C12orf76: variants seen among roughly 807,000 people sequenced by gnomAD.
C12orf76 encodes the protein chromosome 12 open reading frame 76.
A neutral mutation model predicts 6.8 loss-of-function variants in C12orf76; 6 were observed. The observed-to-expected ratio is 0.88, with a 90% confidence interval of 0.48 to 1.73. The LOEUF is 1.73. Ranked by LOEUF, C12orf76 falls within the 40% of genes most tolerant of loss-of-function variation. C12orf76 has a pLI of 0.01. For missense variants in C12orf76, 99 were observed against 98.2 expected (o/e 1.01, Z -0.03); for synonymous variants, 56 against 43.7 (o/e 1.28, Z -1.11).
Position 110,048,389 on chromosome 12 carries a change from T to C in C12orf76, c.107A>G (p.Tyr36Cys), listed in dbSNP as rs1157100958. The C allele has an allele frequency of 6.6e-7, 1 of 1,515,800 alleles. No homozygotes were observed. Among genetic ancestry groups the C allele is most frequent in the East Asian group, 2.6e-5 (1 of 38,808 alleles). The allele number at this position is 1,515,800 out of a possible 1,614,324, so 93.9% of individuals were successfully genotyped here. A position where few individuals can be genotyped will look rare whatever the true frequency, so the allele number is the denominator to read the frequency against. The stretch of plus-strand genomic sequence containing the variant: ...CAGGTTCTGCCCTCGCAGCACCGCG[T>C]ACGGCCGGCTCCGCTCCAGCGGATC... ...PVDPLERSRP[Y>C]AVLRGQNLVL... Residue 36 changes from tyrosine to cysteine, a missense_variant, in exon 1 of 2, where the codon TAC becomes TGC. Tyr to Cys is a radical substitution (Grantham distance 194). Transcript: ENST00000615315.
At chr12:110,071,161 AT>A (rs1892956363), upstream of C12orf76, among the ~76,000 whole-genome samples, 1 of 152,260 alleles carries the variant, frequency 6.6e-6, no homozygotes, top group African/African-American at 2.4e-5. Context: ...ATTATTAAAA[AT>A]AAAAACTAAC....
chr12:110,065,943 C>T, exon 2 of C12orf76: 1 of 1,613,900 alleles, frequency 6.2e-7, no homozygotes. Flanking sequence ...TCCCGTGTAT[C>T]ACGTGGCTGG....
chr12:110,048,899 T>C (rs770732296), upstream of C12orf76: 8 of 158,370 alleles, frequency 5.1e-5, no homozygotes, highest in Non-Finnish European at 1.1e-4. Flanking sequence ...GTTTCTATAG[T>C]ACAAATGCCA....
chr12:110,042,728 G>C (rs1329417006), intron 1 of C12orf76: 16 of 631,268 alleles, frequency 2.5e-5, no homozygotes, highest in South Asian at 1.8e-4. Context: ...CAGCAAGAAG[G>C]GGGGACAGTC....
intron 1 of C12orf76, chr12:110,045,945 T>G (rs1183044994): frequency 4.6e-6 from 1 of 216,262 alleles, no homozygotes; most frequent in Non-Finnish European, 1.0e-5. Context: ...GGCAACAGAG[T>G]GAGACTCCAT....
chr12:110,045,423 T>C (rs1892425001), intron 1 of C12orf76, among the ~76,000 whole-genome samples: 1 of 151,820 alleles, frequency 6.6e-6, no homozygotes, highest in South Asian at 2.1e-4. Flanking sequence ...CCGTCTCTAC[T>C]AAATATACAA....
chr12:110,048,583 C>G, upstream of C12orf76: 3 of 1,336,160 alleles, frequency 2.2e-6, no homozygotes, highest in Non-Finnish European at 2.9e-6. Flanking sequence ...TCGCTGCCAC[C>G]GCCCTTAGGG....
upstream of C12orf76, among the ~76,000 whole-genome samples, chr12:110,068,259 G>A (rs866781984): frequency 2.3e-5 from 2 of 86,284 alleles, no homozygotes; most frequent in Non-Finnish European, 2.5e-5. Context: ...AGAAGAAGAA[G>A]AAGAAGAAGA....
chr12:110,067,507 C>T (rs1892886452), exon 1 of C12orf76: 1 of 985,260 alleles, frequency 1.0e-6, no homozygotes, highest in Admixed American at 6.2e-5. Flanking sequence ...ACTTCCTTTT[C>T]CCATTTTGTC....
chr12:110,048,202 G>A (rs1256157011), intron 1 of C12orf76, among the ~76,000 whole-genome samples, 161 bp downstream of exon 1: 1 of 152,204 alleles, frequency 6.6e-6, no homozygotes, highest in Non-Finnish European at 1.5e-5. Flanking sequence ...GGCTTTTGGA[G>A]AGGGAGTCTC....
chr12:110,054,080 A>C (rs866918297), upstream of C12orf76, among the ~76,000 whole-genome samples: 3 of 152,324 alleles, frequency 2.0e-5, no homozygotes, highest in Middle Eastern at 0.01. This position sits in a 1 kb window ranked among gnomAD's most constrained non-coding sequence, Gnocchi z 4.4. Context: ...GTCTCAAAAA[A>C]AATAATAAAA....
At chr12:110,043,873 A>AC (rs58778860) in intron 1 of C12orf76, among the ~76,000 whole-genome samples, 12,951 of 149,152 alleles carry the variant, frequency 0.087, 808 homozygotes, top group African/African-American at 0.17. Flanking sequence ...ACAAAAACAA[A>AC]AAAAAAAATG....
intron 2 of C12orf76, among the ~76,000 whole-genome samples, chr12:110,061,654 A>G (rs1892774276): frequency 6.6e-6 from 1 of 151,472 alleles, no homozygotes; most frequent in Non-Finnish European, 1.5e-5. Context: ...CTCCTGCCTC[A>G]GCCTCCTGAG....
upstream of C12orf76, among the ~76,000 whole-genome samples, chr12:110,070,101 A>C (rs1219787455): frequency 6.6e-6 from 1 of 151,850 alleles, no homozygotes; most frequent in East Asian, 1.9e-4. Context: ...ATACAAAAAA[A>C]TTAGCTGGGC....
At chr12:110,046,058 C>T (rs1052735738) in intron 1 of C12orf76, 14 of 156,722 alleles carry the variant, frequency 8.9e-5, no homozygotes, top group Middle Eastern at 5.1e-4. Context: ...TTCTCCCAGT[C>T]GTCATCTTTT....
intron 1 of C12orf76, among the ~76,000 whole-genome samples, chr12:110,044,930 G>A (rs970856508): frequency 2.6e-5 from 4 of 150,968 alleles, no homozygotes; most frequent in Non-Finnish European, 4.4e-5. Context: ...CCAAGATCAC[G>A]CCACTGCACT....
In C12orf76 at chr12:110,059,223, C is replaced by T. The variant is rs184229208; in HGVS notation, n.381-60G>A. 8.5e-4 allele frequency: 1,267 copies of T among 1,494,142 alleles called. 1 individual carries two copies. Among genetic ancestry groups the T allele is most frequent in the Non-Finnish European group, 1.1e-3 (1,211 of 1,114,744 alleles). The allele number at this position is 1,494,142 out of a possible 1,614,324, so 92.6% of individuals were successfully genotyped here. Reference sequence around the variant, plus strand: ...TTTTGTGTGTTGATCTTGTTCCTTGCGACTTTACTGAATTGGTTAATTAGC... The same window carrying T: ...TTTTGTGTGTTGATCTTGTTCCTTGTGACTTTACTGAATTGGTTAATTAGC... On this transcript the variant is annotated intron_variant and non_coding_transcript_variant, in intron 2 of 4. Transcript: ENST00000309050.
upstream of C12orf76, among the ~76,000 whole-genome samples, chr12:110,052,508 CTT>C (rs1406869813): frequency 2.6e-5 from 4 of 152,168 alleles, no homozygotes; most frequent in African/African-American, 9.7e-5. Flanking sequence ...AGGAGCTACT[CTT>C]TATTGGGCAC....
upstream of C12orf76, chr12:110,051,433 A>C (rs1361890352): frequency 8.6e-6 from 4 of 466,092 alleles, no homozygotes; most frequent in African/African-American, 2.5e-5. Context: ...CCCCAATCTC[A>C]TTTTTTTTTT....
Sources: allele counts gnomAD v4.1 joint callset (sites outside exome capture counted in the v4.1 genomes callset), GRCh38; gene constraint gnomAD v4.1.1; non-coding constraint Gnocchi (gnomAD v3.1); transcripts MANE v1.5; gene names NCBI Gene and HGNC (gene_info 2026-07-23, HGNC 2026-07-21).